Variants in IPO11 observed in about 807,000 individuals in gnomAD.
IPO11 encodes importin 11.
A neutral mutation model predicts 143.2 loss-of-function variants in IPO11; 66 were observed. That is an observed-to-expected ratio of 0.46 (90% CI 0.38 to 0.57). The LOEUF is 0.57. Among genes scored for constraint, IPO11 ranks in the 20% least tolerant of loss-of-function variants. The pLI, the probability that IPO11 is intolerant of heterozygous loss-of-function variation, is 0.00. For missense variants in IPO11, 1,026 were observed against 1,141.0 expected, an observed-to-expected ratio of 0.90 and a Z score of 1.45; for synonymous variants, 385 against 377.8, an observed-to-expected ratio of 1.02 and a Z score of -0.22.
chr5:62,481,897 C>G (rs938528341), intron 9 of IPO11, among the ~76,000 whole-genome samples: 3 of 152,096 alleles, frequency 2.0e-5, no homozygotes, highest in Non-Finnish European at 2.9e-5. Flanking sequence ...TGATAGAATT[C>G]GGCTGTGAAT....
chr5:62,608,011 G>C (rs1325474320), intron 29 of IPO11, among the ~76,000 whole-genome samples: 1 of 152,044 alleles, frequency 6.6e-6, no homozygotes, highest in African/African-American at 2.4e-5. Context: ...TAGAGACGGG[G>C]TTTCACCATG....
chr5:62,465,372 A>T (rs773451787), intron 5 of IPO11, among the ~76,000 whole-genome samples: 8 of 152,204 alleles, frequency 5.3e-5, no homozygotes, highest in Non-Finnish European at 1.0e-4. Flanking sequence ...GAAAAATACG[A>T]ATTCATTTTA....
chr5:62,495,682 G>A (rs973308628), intron 16 of IPO11, among the ~76,000 whole-genome samples: 6 of 151,932 alleles, frequency 3.9e-5, no homozygotes, highest in Non-Finnish European at 5.9e-5. Context: ...CATTGCCCAG[G>A]CTGGTCTTGA....
At chr5:62,426,942 T>G (rs1446716175) in intron 1 of IPO11, among the ~76,000 whole-genome samples, 2 of 141,704 alleles carry the variant, frequency 1.4e-5, no homozygotes, top group Non-Finnish European at 3.1e-5. Context: ...TTTTTTTTTT[T>G]TTTTTTTTTT....
At chr5:62,431,974 G>A (rs1311287921) in intron 1 of IPO11, among the ~76,000 whole-genome samples, 1 of 130,382 alleles carries the variant, frequency 7.7e-6, no homozygotes, top group Non-Finnish European at 1.6e-5. Flanking sequence ...CATACATACG[G>A]CATGCAGACC....
intron 2 of IPO11, among the ~76,000 whole-genome samples, chr5:62,439,363 T>C (rs1306827125): frequency 7.2e-6 from 1 of 139,352 alleles, no homozygotes; most frequent in Non-Finnish European, 1.5e-5. Context: ...CTAGGCTCAC[T>C]GCAAGCTCCG....
intron 29 of IPO11, among the ~76,000 whole-genome samples, chr5:62,605,207 G>A (rs1467167423): frequency 6.6e-6 from 1 of 152,196 alleles, no homozygotes; most frequent in African/African-American, 2.4e-5. Flanking sequence ...TTGTCTTAAA[G>A]TAGTCCATAA....
chr5:62,437,278 C>G lies in IPO11; in HGVS notation c.-2C>G. 1 of 1,587,292 alleles carries G rather than the reference C, an allele frequency of 6.3e-7. No homozygotes were observed. The highest frequency in any genetic ancestry group is 8.6e-7 in the Non-Finnish European group (1 of 1,167,948). On this transcript the variant is annotated 5_prime_UTR_variant, in exon 2 of 30. Coordinates refer to ENST00000325324, the MANE Select transcript of IPO11 (RefSeq NM_016338.5). ...ATGTTAACTTATCATTGCCAGGTTT[C>G]CATGGATCTCAATAGTGCCAGCACT...
At chr5:62,452,904 C>T (rs1744992124) in intron 5 of IPO11, among the ~76,000 whole-genome samples, 1 of 150,608 alleles carries the variant, frequency 6.6e-6, no homozygotes, top group Non-Finnish European at 1.5e-5. Flanking sequence ...AGGTACATGC[C>T]ACCATGCCCA....
Position 62,526,152 on chromosome 5 carries a change from C to A in IPO11, c.1907C>A (p.Ala636Glu). ...TTATACTTCCCATAGGGATTAGGAG[C>A]AGACAGCAAGAACCTGTACCCTTTC... is the stretch of plus-strand genomic sequence containing the variant. ...TLIHLVQGLG[A>E]DSKNLYPFLL... The change falls in exon 21 of 30, where the codon GCA becomes GAA. Residue 636 changes from alanine (A) to glutamate (E), a missense_variant. Physicochemically the swap from Ala to Glu is moderately radical, Grantham distance 107. Around this residue, in one of 5 missense-constraint regions of IPO11, gnomAD observed 237 missense variants for 288.0 expected, o/e 0.82. Transcript: ENST00000325324. 6.2e-7 allele frequency: 1 copy of A among 1,610,106 alleles called. No individual in the cohort carries two copies. Among genetic ancestry groups the A allele is most frequent in the Non-Finnish European group, 8.5e-7 (1 of 1,176,608 alleles).
intron 9 of IPO11, among the ~76,000 whole-genome samples, chr5:62,478,019 C>A (rs1372902142): frequency 6.6e-6 from 1 of 152,138 alleles, no homozygotes; most frequent in Admixed American, 6.6e-5. Context: ...CAATTATCAA[C>A]ATATGGCCAC....
At chr5:62,500,476 A>G (rs1013818402) in intron 16 of IPO11, among the ~76,000 whole-genome samples, 3 of 152,200 alleles carry the variant, frequency 2.0e-5, no homozygotes, top group Admixed American at 2.0e-4. Context: ...ATTATATACT[A>G]CTGAACATAA....
chr5:62,552,037 T>C (rs1743405116), intron 26 of IPO11, among the ~76,000 whole-genome samples: 2 of 152,074 alleles, frequency 1.3e-5, no homozygotes, highest in African/African-American at 4.8e-5. Context: ...GGCAGGAGAA[T>C]GGCGTGAACC....
At position 62,427,679 on chromosome 5, in the gene IPO11, C is replaced by T. The variant is rs565991508; in HGVS notation, c.-6-9595C>T. On this transcript the variant is annotated intron_variant, in intron 1 of 29. Transcript: ENST00000325324. ...TAGGTTGCATACTCCTTATGAGAAT[C>T]TCACTAATGCCTGATGATCTGTGGT... Among the ~76,000 whole-genome samples the T allele has an allele frequency of 1.6e-4, 25 of 152,336 alleles. No individual in the cohort carries two copies. In the South Asian group the frequency reaches 5.2e-3, roughly 32 times the overall value.
At chr5:62,414,781 A>G (rs1055100914) in intron 1 of IPO11, among the ~76,000 whole-genome samples, 2 of 152,212 alleles carry the variant, frequency 1.3e-5, no homozygotes, top group African/African-American at 4.8e-5. Context: ...AAATCTTGAG[A>G]TGCACTACTT....
intron 1 of IPO11, among the ~76,000 whole-genome samples, chr5:62,425,954 A>G (rs982160080): frequency 2.0e-5 from 3 of 152,222 alleles, no homozygotes; most frequent in Non-Finnish European, 4.4e-5. Flanking sequence ...AGACATGACT[A>G]TTTGGAGCTA....
At chr5:62,426,506 T>C (rs773220604) in intron 1 of IPO11, among the ~76,000 whole-genome samples, 1 of 152,176 alleles carries the variant, frequency 6.6e-6, no homozygotes, top group Non-Finnish European at 1.5e-5. Flanking sequence ...ACCTACTTGA[T>C]ATGTGCTTAA....
intron 9 of IPO11, among the ~76,000 whole-genome samples, chr5:62,482,622 A>G (rs937105424): frequency 2.0e-5 from 3 of 152,210 alleles, no homozygotes; most frequent in African/African-American, 7.2e-5. Context: ...CAGGAGTTAC[A>G]CAATGATGGC....
chr5:62,453,827 C>T (rs1052030309), intron 5 of IPO11, among the ~76,000 whole-genome samples: 1 of 152,154 alleles, frequency 6.6e-6, no homozygotes, highest in African/African-American at 2.4e-5. Flanking sequence ...TCATTTTTAA[C>T]TCAATGGGTT....
Sources: gnomAD v4.1 joint callset for allele counts (sites outside exome capture counted in the v4.1 genomes callset) on GRCh38, gnomAD v4.1.1 for gene constraint, gnomAD v4.1.1 regional missense constraint, MANE v1.5 for transcripts, NCBI Gene and HGNC (gene_info 2026-07-23, HGNC 2026-07-21) for gene names.